CLIC5: variants seen among roughly 807,000 people sequenced by gnomAD.
CLIC5 encodes chloride intracellular channel protein 5.
A neutral mutation model predicts 24.7 loss-of-function variants in CLIC5; 20 were observed. That is an observed-to-expected ratio of 0.81 (90% CI 0.57 to 1.18). The LOEUF (loss-of-function observed/expected upper bound fraction) is 1.18. Ranked by LOEUF, CLIC5 falls within the 50% of genes most tolerant of loss-of-function variation. The probability of loss-of-function intolerance (pLI) is 0.00; values close to 1 mark genes in which losing one functional copy is unlikely to be tolerated. For missense variants in CLIC5, 341 were observed against 326.1 expected (o/e 1.05, Z -0.35); for synonymous variants, 159 against 135.6 (o/e 1.17, Z -1.20).
chr6:46,099,291 C>T, the CLIC5 span, among the ~76,000 whole-genome samples: 35 of 152,212 alleles, frequency 2.3e-4, no homozygotes, highest in African/African-American at 3.6e-4. Flanking sequence ...ATTACCAGAC[C>T]GAGTTTTCAG....
chr6:46,112,519 C>T, the CLIC5 span, among the ~76,000 whole-genome samples: 1 of 152,196 alleles, frequency 6.6e-6, no homozygotes, highest in Admixed American at 6.5e-5. Context: ...GGGGTAATCA[C>T]TCTGTGGTTT....
intron 1 of CLIC5, among the ~76,000 whole-genome samples, chr6:46,052,136 A>G (rs958698340): frequency 6.6e-6 from 1 of 152,140 alleles, no homozygotes; most frequent in African/African-American, 2.4e-5. Context: ...AAAAAAAAAA[A>G]AAGAAGAAAT....
At chr6:46,089,171 A>G in the CLIC5 span, among the ~76,000 whole-genome samples, 7 of 152,316 alleles carry the variant, frequency 4.6e-5, no homozygotes, top group Admixed American at 1.3e-4. Context: ...AGAAAAAGCA[A>G]CCATCAAGGT....
At chr6:46,092,727 T>C in the CLIC5 span, among the ~76,000 whole-genome samples, 1 of 152,224 alleles carries the variant, frequency 6.6e-6, no homozygotes, top group Non-Finnish European at 1.5e-5. Flanking sequence ...GCACCTTTGG[T>C]GACTTTACTA....
chr6:45,908,364 A>G (rs759375593), intron 5 of CLIC5, among the ~76,000 whole-genome samples: 1 of 152,076 alleles, frequency 6.6e-6, no homozygotes, highest in Non-Finnish European at 1.5e-5. Flanking sequence ...GTGTGATGTT[A>G]CTTTGTCAAT....
rs73738313 is a variant in CLIC5 at position 45,966,553 on chromosome 6, C to T, written c.64-11309G>A. 7.9e-3 allele frequency among the ~76,000 whole-genome samples: 1,202 copies of T among 152,344 alleles called. 8 individuals are homozygous for T. Among genetic ancestry groups the T allele is most frequent in the African/African-American group, 0.026 (1,060 of 41,568 alleles). On this transcript the variant is annotated intron_variant, in intron 1 of 5. Coordinates refer to ENST00000339561, the MANE Select transcript of CLIC5 (RefSeq NM_016929.5). ...GAAACAAATGAGCTCCCTGACCTCA[C>T]TGTAGACTTGCAGCATCAGAGTCTC...
At chr6:46,093,063 T>C in the CLIC5 span, among the ~76,000 whole-genome samples, 9 of 152,282 alleles carry the variant, frequency 5.9e-5, no homozygotes, top group African/African-American at 2.2e-4. Flanking sequence ...AGAATACATA[T>C]CTTTCTTCCT....
chr6:46,086,367 G>A, the CLIC5 span, among the ~76,000 whole-genome samples: 2 of 152,336 alleles, frequency 1.3e-5, no homozygotes, highest in Non-Finnish European at 1.5e-5. Context: ...GACCGGAGCT[G>A]TTGCTATTCG....
At chr6:45,999,732 GTTTTTTT>G (rs1201850451) in intron 1 of CLIC5, among the ~76,000 whole-genome samples, 1 of 50,848 alleles carries the variant, frequency 2.0e-5, no homozygotes, top group Non-Finnish European at 3.3e-5. Context: ...CTTCCTTGTG[GTTTTTTT>G]TTTTTTTTTT....
At position 45,881,100 on chromosome 6, in the gene CLIC5, A is replaced by G. The variant is rs1762259335; in HGVS notation, c.712T>C (p.Trp238Arg). Residue 238 changes from tryptophan to arginine, a missense_variant, in exon 7 of 7, where the codon TGG (tryptophan) becomes CGG (arginine). Transcript: ENST00000644324. ...TAGAAATTTCAGTAGAAAGAATCCCATTTTTTTCTTCTTTCTCTAGCTTCT... is the reference window on the plus strand; with the variant it reads ...TAGAAATTTCAGTAGAAAGAATCCCGTTTTTTTCTTCTTTCTCTAGCTTCT... The G allele has an allele frequency of 1.3e-5, 5 of 397,936 alleles. No homozygotes were observed. The South Asian group carries it at 6.4e-4, about 51-fold the overall frequency. The allele number at this position is 397,936 out of a possible 1,614,324, so 24.7% of individuals were successfully genotyped here.
upstream of CLIC5, among the ~76,000 whole-genome samples, chr6:46,084,153 T>C (rs988668258): frequency 6.6e-6 from 1 of 152,174 alleles, no homozygotes; most frequent in Non-Finnish European, 1.5e-5. Context: ...TCCTTTTATT[T>C]TGAGCCTATG....
intron 1 of CLIC5, among the ~76,000 whole-genome samples, chr6:46,024,986 A>G (rs1014850357): frequency 2.0e-5 from 3 of 151,774 alleles, no homozygotes; most frequent in African/African-American, 7.3e-5. Flanking sequence ...TAAGGTGATC[A>G]TACATGGTAC....
chr6:46,015,709 A>G lies in CLIC5; in HGVS notation c.-167T>C. On this transcript the variant is annotated 5_prime_UTR_variant, in exon 1 of 6. Transcript: ENST00000339561. ...TCCAGCCCGAGCAGCGGGGTCTGAG[A>G]GATCAGTGTCCCAGATGCTCACATG... The G allele has an allele frequency of 7.9e-7, 1 of 1,273,802 alleles. No homozygotes were observed. Among genetic ancestry groups the G allele is most frequent in the Non-Finnish European group, 9.9e-7 (1 of 1,007,848 alleles). The allele number at this position is 1,273,802 out of a possible 1,614,324, so 78.9% of individuals were successfully genotyped here. A position where few individuals can be genotyped will look rare whatever the true frequency, so the allele number is the denominator to read the frequency against.
chr6:46,016,005 G>A (rs1214965184), upstream of CLIC5: 2 of 635,030 alleles, frequency 3.1e-6, no homozygotes, highest in African/African-American at 2.0e-5. Context: ...GGCAGGAGGC[G>A]GAGACAGAGC....
At chr6:45,958,097 G>C (rs1764705962) in intron 1 of CLIC5, among the ~76,000 whole-genome samples, 1 of 152,028 alleles carries the variant, frequency 6.6e-6, no homozygotes, top group Admixed American at 6.5e-5. Context: ...TTGAAGATGA[G>C]GTCATATTGG....
intron 1 of CLIC5, among the ~76,000 whole-genome samples, chr6:45,958,259 C>G (rs1581791358): frequency 1.3e-5 from 2 of 151,260 alleles, no homozygotes; most frequent in African/African-American, 2.4e-5. Context: ...GTGGCAGACA[C>G]CAAAAGCTAG....
intron 6 of CLIC5, among the ~76,000 whole-genome samples, chr6:45,886,294 T>A (rs1762305038): frequency 6.6e-6 from 1 of 152,158 alleles, no homozygotes; most frequent in South Asian, 2.1e-4. Context: ...TCTGGATCGG[T>A]AGCCAAAGGT....
In CLIC5 at chr6:45,881,142, T is replaced by A. The variant is rs1478601046; in HGVS notation, c.670A>T (p.Lys224Ter). ...CTAGCTTCTCCCCATTTCTTCTGCT[T>A]GCTTCTTCCTCTACTCCATGCCCCC... is the stretch of plus-strand genomic sequence containing the variant. Residue 224 changes from lysine (K) to a stop codon, truncating the protein, a stop_gained, in exon 7 of 7, where the codon AAG (lysine) becomes TAG (stop). Coordinates refer to the CLIC5 transcript ENST00000644324. LOFTEE classifies it low-confidence loss of function (END_TRUNC). 5.0e-6 allele frequency: 2 copies of A among 398,314 alleles called. No homozygotes were observed. The highest frequency in any genetic ancestry group is 8.8e-6 in the Non-Finnish European group (2 of 226,042). 24.7% of individuals were successfully genotyped at this position (398,314 alleles called of 1,614,324 possible). A position where few individuals can be genotyped will look rare whatever the true frequency, so the allele number is the denominator to read the frequency against.
At chr6:46,123,977 G>C in the CLIC5 span, among the ~76,000 whole-genome samples, 2 of 152,150 alleles carry the variant, frequency 1.3e-5, no homozygotes, top group Non-Finnish European at 2.9e-5. Context: ...TGGATAGGAA[G>C]AATCAATATT....
Sources: allele counts gnomAD v4.1 joint callset (sites outside exome capture counted in the v4.1 genomes callset), GRCh38; gene constraint gnomAD v4.1.1; transcripts MANE v1.5; gene names NCBI Gene and HGNC (gene_info 2026-07-23, HGNC 2026-07-21).